The following PMPCB variants were observed in gnomAD, a reference collection of about 807,000 sequenced individuals.
The protein encoded by PMPCB is mitochondrial-processing peptidase subunit beta.
In PMPCB, 46 loss-of-function variants were observed where a neutral mutation model predicts 61.5. The ratio of observed to expected loss-of-function variants is 0.75; its 90% CI spans 0.59 to 0.96. The LOEUF is 0.96. PMPCB is among the 40% of genes least tolerant of loss of function. The pLI, the probability that PMPCB is intolerant of heterozygous loss-of-function variation, is 0.00. For synonymous variants in PMPCB, 191 were observed against 201.6 expected (o/e 0.95, Z 0.44); for missense variants, 590 against 602.4 (o/e 0.98, Z 0.22).
In PMPCB at chr7:103,310,355, A is replaced by G. The variant is rs763277777; in HGVS notation, c.1034A>G (p.Asn345Ser). Residue 345 changes from asparagine to serine, a missense_variant, in exon 9 of 13, where the codon AAT (asparagine) becomes AGT (serine). Physicochemically the swap from Asn to Ser is conservative, Grantham distance 46 (BLOSUM62 1). Coordinates refer to ENST00000249269, the MANE Select transcript of PMPCB (RefSeq NM_004279.3). ...SKLAQLTCHG[N>S]LCHSFQSFNT... ...CTGGCCCAGCTCACTTGTCATGGCAATCTTTGCCATAGCTTTCAGTCTTTC... is the reference window on the plus strand; with the variant it reads ...CTGGCCCAGCTCACTTGTCATGGCAGTCTTTGCCATAGCTTTCAGTCTTTC... The G allele has an allele frequency of 1.3e-4, 215 of 1,613,770 alleles. No homozygotes were observed. The highest frequency in any genetic ancestry group is 1.7e-4 in the Non-Finnish European group (202 of 1,179,856).
the PMPCB span, among the ~76,000 whole-genome samples, chr7:103,339,349 A>G: frequency 2.0e-5 from 3 of 152,172 alleles, no homozygotes; most frequent in East Asian, 1.9e-4. Flanking sequence ...ACTTCTTTCT[A>G]TACCAAAGAC....
rs1438682837 is a variant in PMPCB at position 103,319,700 on chromosome 7, A to G, written c.*1431+7569A>G. The G allele has an allele frequency of 3.1e-6, 5 of 1,613,904 alleles. No homozygotes were observed. In the Admixed American group the frequency reaches 8.3e-5, roughly 27 times the overall value. On this transcript the variant is annotated intron_variant and NMD_transcript_variant, in intron 12 of 12. Coordinates refer to the PMPCB transcript ENST00000444457. ...TAAGCTAAAGAAAAAAAAAGAAGAA[A>G]TGAAACTTTATCCTAAGCTCAAGTG...
intron 9 of PMPCB, 112 bp downstream of exon 9, chr7:103,310,587 C>A (rs764204620): frequency 2.2e-5 from 17 of 762,572 alleles, no homozygotes; most frequent in East Asian, 1.2e-4. Context: ...AATTAAGAGA[C>A]CTAGATAAAC....
At chr7:103,334,606 AT>A in the PMPCB span, among the ~76,000 whole-genome samples, 1 of 151,024 alleles carries the variant, frequency 6.6e-6, no homozygotes, top group Non-Finnish European at 1.5e-5. Context: ...TTGAAAAAAA[AT>A]TTTTTTAATT....
chr7:103,317,067 A>T, downstream of PMPCB: 1 of 1,477,414 alleles, frequency 6.8e-7, no homozygotes, highest in South Asian at 1.2e-5. Flanking sequence ...TTGCTATTCT[A>T]CACTCTCTTC....
chr7:103,310,520 G>T, intron 9 of PMPCB, 45 bp downstream of exon 9: 2 of 1,459,666 alleles, frequency 1.4e-6, no homozygotes, highest in African/African-American at 1.4e-5. Context: ...CCTTTAATTC[G>T]TTTTAAACTA....
Position 103,313,666 on chromosome 7 carries a change from T to C in PMPCB, c.*1395T>C, listed in dbSNP as rs1337825327. The C allele has an allele frequency of 2.0e-6, 2 of 985,334 alleles. No homozygotes were observed. The highest frequency in any genetic ancestry group is 3.5e-5 in the African/African-American group (2 of 57,244). 61.0% of individuals were successfully genotyped at this position (985,334 alleles called of 1,614,324 possible). A position where few individuals can be genotyped will look rare whatever the true frequency, so the allele number is the denominator to read the frequency against. On this transcript the variant is annotated 3_prime_UTR_variant, in exon 13 of 13. Transcript: ENST00000249269. ...GTGTTGTAGTGTGGTGTTCTCTTCG[T>C]CACATCTGCTAAAATCTTGGGAGCC... is the stretch of plus-strand genomic sequence containing the variant.
chr7:103,333,950 C>T (rs1819066963), downstream of PMPCB, among the ~76,000 whole-genome samples: 1 of 148,754 alleles, frequency 6.7e-6, no homozygotes, highest in African/African-American at 2.5e-5. Flanking sequence ...CTGTTGTGAA[C>T]ATTTTTTTTT....
chr7:103,306,382 C>CT (rs538586125), intron 6 of PMPCB, among the ~76,000 whole-genome samples: 9,572 of 131,672 alleles, frequency 0.073, 522 homozygotes, highest in African/African-American at 0.15. Flanking sequence ...TTCCTGAGTT[C>CT]TTTTTTTTTT....
At chr7:103,307,026 C>T (rs913904083) in intron 6 of PMPCB, among the ~76,000 whole-genome samples, 2 of 151,594 alleles carry the variant, frequency 1.3e-5, no homozygotes, top group East Asian at 3.9e-4. Flanking sequence ...CCCAAAGTGC[C>T]GGGATTACAG....
At chr7:103,347,020 C>T in the PMPCB span, among the ~76,000 whole-genome samples, 1 of 152,170 alleles carries the variant, frequency 6.6e-6, no homozygotes, top group Admixed American at 6.5e-5. Flanking sequence ...ATCCAGAAAT[C>T]GAATTGCTAG....
At chr7:103,299,562 C>CT (rs1817391113) in intron 3 of PMPCB, 33 bp downstream of exon 3, 1 of 1,259,842 alleles carries the variant, frequency 7.9e-7, no homozygotes, top group Non-Finnish European at 1.2e-6. Flanking sequence ...AATGCACTCT[C>CT]TTTAAGAGAT....
chr7:103,314,420 A>G lies in PMPCB; in HGVS notation c.*2149A>G. 1 of 985,416 alleles carries G rather than the reference A, an allele frequency of 1.0e-6. No individual in the cohort carries two copies. The highest frequency in any genetic ancestry group is 1.2e-6 in the Non-Finnish European group (1 of 829,936). The allele number at this position is 985,416 out of a possible 1,614,324, so 61.0% of individuals were successfully genotyped here. A position where few individuals can be genotyped will look rare whatever the true frequency, so the allele number is the denominator to read the frequency against. ...AGAGGCAAAGGAGTCATACCCACATAGCACTACTGCCAGTCACTCTTGCCT... is the reference window on the plus strand; with the variant it reads ...AGAGGCAAAGGAGTCATACCCACATGGCACTACTGCCAGTCACTCTTGCCT... On this transcript the variant is annotated 3_prime_UTR_variant, in exon 13 of 13. Transcript: ENST00000249269.
the PMPCB span, chr7:103,345,239 T>C: frequency 2.0e-5 from 3 of 152,904 alleles, no homozygotes; most frequent in African/African-American, 7.2e-5. Flanking sequence ...CTTTTAATAC[T>C]CGCTTGGAGA....
chr7:103,298,618 A>C lies in PMPCB; in HGVS notation c.150A>C (p.Gln50His), dbSNP rs762743960. ...TAAGAAGTACACAGGCTGCTACCCA[A>C]GTTGTTCTGAATGTTCCTGAAACAA... ...NRLRSTQAATQVVLNVPETRV... is the reference protein window; with the variant it reads ...NRLRSTQAATHVVLNVPETRV... Residue 50 changes from glutamine (Q) to histidine (H), a missense_variant, in exon 2 of 13, where the codon CAA (glutamine) becomes CAC (histidine). Transcript: ENST00000249269. 17 of 1,614,004 alleles carry C rather than the reference A, an allele frequency of 1.1e-5. 1 individual carries two copies. In the South Asian group the frequency reaches 1.9e-4, roughly 18 times the overall value.
intron 6 of PMPCB, among the ~76,000 whole-genome samples, chr7:103,307,327 G>A (rs1041253697): frequency 3.3e-5 from 5 of 152,058 alleles, no homozygotes; most frequent in Non-Finnish European, 1.5e-5. Context: ...TTTGTAAAAC[G>A]TGGAGTTTTC....
chr7:103,331,062 G>A (rs553882773), downstream of PMPCB, among the ~76,000 whole-genome samples: 11 of 151,870 alleles, frequency 7.2e-5, no homozygotes, highest in South Asian at 8.3e-4. Context: ...GGGTTCCAGC[G>A]ATTCTCCTGT....
chr7:103,316,707 C>G, downstream of PMPCB: 1 of 819,086 alleles, frequency 1.2e-6, no homozygotes, highest in South Asian at 1.8e-5. Flanking sequence ...TCACACTTTT[C>G]TGCTGTGGCA....
rs546848610 is a variant in PMPCB at position 103,326,792 on chromosome 7, T to A, written c.*1432-2139T>A. The A allele has an allele frequency of 3.4e-6, 4 of 1,167,512 alleles. No homozygotes were observed. In the East Asian group the frequency reaches 1.1e-4, roughly 31 times the overall value. The allele number at this position is 1,167,512 out of a possible 1,614,324, so 72.3% of individuals were successfully genotyped here. A position where few individuals can be genotyped will look rare whatever the true frequency, so the allele number is the denominator to read the frequency against. ...ACATAGAAGTCATTAATTTTCATAT[T>A]TGAAAATTTTGTTTGCAGGTTGGGG... On this transcript the variant is annotated intron_variant and NMD_transcript_variant, in intron 12 of 12. Coordinates refer to the PMPCB transcript ENST00000444457.
Sources: allele counts gnomAD v4.1 joint callset (sites outside exome capture counted in the v4.1 genomes callset), GRCh38; gene constraint gnomAD v4.1.1; transcripts MANE v1.5; gene names NCBI Gene and HGNC (gene_info 2026-07-23, HGNC 2026-07-21).